The following KANSL2 variants were observed in gnomAD, a reference collection of about 807,000 sequenced individuals.
KANSL2 encodes NSL complex protein NSL2.
KANSL2 carries 34 observed loss-of-function variants against 55.6 expected under a neutral mutation model. The observed-to-expected ratio is 0.61, with a 90% CI of 0.46 to 0.81. The LOEUF (loss-of-function observed/expected upper bound fraction) is 0.81, where lower values mean the gene tolerates loss of function less well. Ranked by LOEUF, KANSL2 falls within the 40% of genes least tolerant of loss-of-function variation. The pLI, the probability that KANSL2 is intolerant of heterozygous loss-of-function variation, is 0.00. For missense variants in KANSL2, 502 were observed against 609.9 expected, an observed-to-expected ratio of 0.82 and a Z score of 1.86; for synonymous variants, 209 against 214.3, an observed-to-expected ratio of 0.98 and a Z score of 0.22.
intron 2 of KANSL2, among the ~76,000 whole-genome samples, chr12:48,681,024 T>A (rs1939915493): frequency 6.7e-6 from 1 of 149,110 alleles, no homozygotes; most frequent in South Asian, 2.1e-4. Context: ...CTCACGCCTG[T>A]AATCCCAGCA....
chr12:48,668,658 C>CA (rs1158597115), intron 6 of KANSL2, among the ~76,000 whole-genome samples: 1 of 152,148 alleles, frequency 6.6e-6, no homozygotes, highest in Admixed American at 6.5e-5. Context: ...AAGACGGCGC[C>CA]ATTGCACTCC....
chr12:48,663,927 T>C (rs1328160903), intron 7 of KANSL2, among the ~76,000 whole-genome samples: 1 of 147,688 alleles, frequency 6.8e-6, no homozygotes, highest in Non-Finnish European at 1.5e-5. Flanking sequence ...TTTTTTTTTT[T>C]TTTTTTTTGA....
chr12:48,667,677 C>A lies in KANSL2; in HGVS notation c.973+16G>T, dbSNP rs918059891. On this transcript the variant is annotated intron_variant, in intron 7 of 9. Transcript: ENST00000420613. ...ACTAGCAAACCACAGCCTTAACAGG[C>A]AGAGTAAAAAGATACGGGTAAGGCA... 6.3e-7 allele frequency: 1 copy of A among 1,574,802 alleles called. No homozygotes were observed. The highest frequency in any genetic ancestry group is 1.4e-5 in the African/African-American group (1 of 74,060).
chr12:48,663,913 C>CT (rs34879709), intron 7 of KANSL2, among the ~76,000 whole-genome samples: 8,325 of 112,532 alleles, frequency 0.074, 984 homozygotes, highest in East Asian at 0.58. Context: ...AACTATTAGC[C>CT]TTTTTTTTTT....
At chr12:48,676,337 C>T (rs976261931) in intron 4 of KANSL2, among the ~76,000 whole-genome samples, 1 of 152,090 alleles carries the variant, frequency 6.6e-6, no homozygotes, top group African/African-American at 2.4e-5. Context: ...AACTCCTGGG[C>T]TCAAGCAATC....
At chr12:48,661,174 CAAG>C in intron 7 of KANSL2, 3 of 866,992 alleles carry the variant, frequency 3.5e-6, no homozygotes, top group Non-Finnish European at 4.1e-6. Flanking sequence ...CATATCCTAA[CAAG>C]AAATTAAATA....
At chr12:48,673,678 T>C (rs113393645) in intron 4 of KANSL2, among the ~76,000 whole-genome samples, 17 of 152,196 alleles carry the variant, frequency 1.1e-4, no homozygotes, top group African/African-American at 2.4e-4. Context: ...CCAGGTGTGA[T>C]AGCTCACGCC....
At chr12:48,661,189 A>G (rs1939480374) in intron 7 of KANSL2, 1 of 918,926 alleles carries the variant, frequency 1.1e-6, no homozygotes, top group South Asian at 5.3e-5. Flanking sequence ...AATTAAATAT[A>G]CATGCCTTTT....
intron 6 of KANSL2, 87 bp from the exon 7 acceptor site, chr12:48,667,876 C>G: frequency 1.0e-6 from 1 of 955,152 alleles, no homozygotes; most frequent in Non-Finnish European, 1.6e-6. Flanking sequence ...AAAAGCACAT[C>G]CTAAAGGCTA....
intron 4 of KANSL2, among the ~76,000 whole-genome samples, chr12:48,672,393 GTATATA>G (rs1187335703): frequency 8.2e-6 from 1 of 121,360 alleles, no homozygotes; most frequent in Non-Finnish European, 1.7e-5. Context: ...ATATATACAT[GTATATA>G]TATATATACG....
chr12:48,669,425 T>A (rs1351928795), intron 5 of KANSL2, among the ~76,000 whole-genome samples, 153 bp from the exon 6 acceptor site: 1 of 152,198 alleles, frequency 6.6e-6, no homozygotes, highest in East Asian at 1.9e-4. Flanking sequence ...GAAATAAATC[T>A]AATTATAGTC....
chr12:48,676,784 G>T (rs1403753878), intron 4 of KANSL2, among the ~76,000 whole-genome samples: 2 of 152,056 alleles, frequency 1.3e-5, no homozygotes, highest in East Asian at 3.9e-4. Context: ...CTAACAGGAA[G>T]TTTAAAAAAT....
At chr12:48,656,020 A>AACATGTAAGTTC (rs1939373864) in intron 8 of KANSL2, among the ~76,000 whole-genome samples, 1 of 152,246 alleles carries the variant, frequency 6.6e-6, no homozygotes, top group Non-Finnish European at 1.5e-5. Flanking sequence ...ACCTGTAATG[A>AACATGTAAGTTC]ACATGTAAGT....
chr12:48,669,009 A>G, intron 6 of KANSL2, 97 bp downstream of exon 6: 1 of 928,324 alleles, frequency 1.1e-6, no homozygotes. Context: ...GCACCACTGC[A>G]CTCCAGCCCG....
At chr12:48,678,961 T>C in intron 4 of KANSL2, 75 bp downstream of exon 4, 1 of 1,048,648 alleles carries the variant, frequency 9.5e-7, no homozygotes, top group Non-Finnish European at 1.5e-6. Flanking sequence ...AGGTTACTAA[T>C]TTATTAACAG....
intron 4 of KANSL2, among the ~76,000 whole-genome samples, chr12:48,672,429 A>ATTTTTT (rs1217365630): frequency 1.1e-5 from 1 of 89,774 alleles, no homozygotes; most frequent in African/African-American, 3.7e-5. Context: ...ATATATATAT[A>ATTTTTT]TATATTTTTT....
At chr12:48,660,082 CTT>C (rs1183615582) in intron 8 of KANSL2, among the ~76,000 whole-genome samples, 7 of 152,084 alleles carry the variant, frequency 4.6e-5, no homozygotes, top group Admixed American at 1.3e-4. Flanking sequence ...AGTTGCGTAA[CTT>C]TGCGAATATA....
chr12:48,669,908 A>C (rs1341600953), intron 5 of KANSL2, among the ~76,000 whole-genome samples: 1 of 152,074 alleles, frequency 6.6e-6, no homozygotes, highest in Non-Finnish European at 1.5e-5. Flanking sequence ...GTTATATACA[A>C]GTCTAGCACA....
chr12:48,679,910 A>G, intron 2 of KANSL2, 77 bp from the exon 3 acceptor site: 2 of 1,227,256 alleles, frequency 1.6e-6, no homozygotes, highest in Non-Finnish European at 2.2e-6. Context: ...CCTAATCTTT[A>G]AATCATTTTT....
Sources: gnomAD v4.1 joint callset for allele counts (sites outside exome capture counted in the v4.1 genomes callset) on GRCh38, gnomAD v4.1.1 for gene constraint, MANE v1.5 for transcripts, NCBI Gene and HGNC (gene_info 2026-07-23, HGNC 2026-07-21) for gene names.